The following EEFSEC variants were observed in gnomAD, a reference collection of about 807,000 sequenced individuals.
The protein encoded by EEFSEC is selenocysteine-specific elongation factor.
A neutral mutation model predicts 42.1 loss-of-function variants in EEFSEC; 43 were observed. That is an observed-to-expected ratio of 1.02 (90% confidence interval 0.80 to 1.32). The LOEUF is 1.32. Ranked by LOEUF, EEFSEC falls within the 40% of genes most tolerant of loss-of-function variation. EEFSEC has a pLI of 0.00. For synonymous variants in EEFSEC, 354 were observed against 339.1 expected (o/e 1.04, Z -0.48); for missense variants, 745 against 803.6 (o/e 0.93, Z 0.88).
At chr3:128,410,931 G>A (rs1039449720), downstream of EEFSEC, among the ~76,000 whole-genome samples, 1 of 152,202 alleles carries the variant, frequency 6.6e-6, no homozygotes, top group Admixed American at 6.5e-5. Context: ...AGGCACAGAG[G>A]CACAGAAGGG....
intron 1 of EEFSEC, among the ~76,000 whole-genome samples, chr3:128,225,696 C>G (rs1053238861): frequency 1.3e-5 from 2 of 152,244 alleles, no homozygotes; most frequent in African/African-American, 2.4e-5. Flanking sequence ...GCACTGTCCC[C>G]TGGCCCCAAG....
At chr3:128,388,737 C>G (rs2107621494) in intron 6 of EEFSEC, among the ~76,000 whole-genome samples, 1 of 152,370 alleles carries the variant, frequency 6.6e-6, no homozygotes, top group African/African-American at 2.4e-5. Flanking sequence ...GAGCGTCTAG[C>G]AGAGAGGCCA....
At position 128,153,590 on chromosome 3, in the gene EEFSEC, G is replaced by A. The variant is rs976948332; in HGVS notation, c.83G>A (p.Ser28Asn). ...AAGACGGCGCTGGCGCGGGCGCTAAGCACCACAGCCTCCACCGCCGCCTTT... is the reference window on the plus strand; with the variant it reads ...AAGACGGCGCTGGCGCGGGCGCTAAACACCACAGCCTCCACCGCCGCCTTT... ...SGKTALARAL[S>N]TTASTAAFDK... Residue 28 changes from serine to asparagine, a missense_variant, in exon 1 of 7, where the codon AGC becomes AAC. Transcript: ENST00000254730. The A allele has an allele frequency of 1.9e-6, 3 of 1,580,462 alleles. No individual in the cohort carries two copies. The highest frequency in any genetic ancestry group is 2.6e-6 in the Non-Finnish European group (3 of 1,170,376).
At chr3:128,312,466 C>T (rs1034386535) in intron 4 of EEFSEC, among the ~76,000 whole-genome samples, 1 of 152,236 alleles carries the variant, frequency 6.6e-6, no homozygotes. Flanking sequence ...CACCAGACTG[C>T]GCTGGAATAG....
intron 1 of EEFSEC, among the ~76,000 whole-genome samples, chr3:128,210,818 G>A (rs2065748234): frequency 1.3e-5 from 2 of 152,244 alleles, no homozygotes; most frequent in Non-Finnish European, 2.9e-5. Context: ...TTCTGCAGAA[G>A]AGCTCCTTCT....
Position 128,384,679 on chromosome 3 carries a change from C to T in EEFSEC, c.1601-23390C>T, listed in dbSNP as rs554461319. Among the ~76,000 whole-genome samples the T allele has an allele frequency of 1.1e-4, 16 of 152,296 alleles. No homozygotes were observed. The South Asian group carries it at 3.1e-3, about 30-fold the overall frequency. On this transcript the variant is annotated intron_variant, in intron 6 of 6. Coordinates refer to ENST00000254730, the MANE Select transcript of EEFSEC (RefSeq NM_021937.5). Reference sequence around the variant, plus strand: ...TGCAACTGAGGCTGGAGAGGGAACACGTCCAAGGTCAAGAACTCGTTGAGG... The same window carrying T: ...TGCAACTGAGGCTGGAGAGGGAACATGTCCAAGGTCAAGAACTCGTTGAGG...
chr3:128,336,726 C>T (rs755723379), intron 4 of EEFSEC, among the ~76,000 whole-genome samples: 31 of 152,228 alleles, frequency 2.0e-4, no homozygotes, highest in Non-Finnish European at 3.2e-4. Flanking sequence ...TTAGGTCTCC[C>T]AGTTGTTCGC....
the EEFSEC span, among the ~76,000 whole-genome samples, chr3:128,425,659 G>A: frequency 2.0e-5 from 3 of 152,232 alleles, no homozygotes; most frequent in Non-Finnish European, 4.4e-5. Context: ...CAGGCCAGGC[G>A]CGGTGCTCCC....
chr3:128,358,383 G>T lies in EEFSEC; in HGVS notation c.1600+10G>T, dbSNP rs765754405. ...AAGATCCACATCCCAGGTAAGTGCAGCCACTTCCTCCCGGTTTAGGGACAC... is the reference window on the plus strand; with the variant it reads ...AAGATCCACATCCCAGGTAAGTGCATCCACTTCCTCCCGGTTTAGGGACAC... On this transcript the variant is annotated intron_variant, in intron 6 of 6. Coordinates refer to ENST00000254730, the MANE Select transcript of EEFSEC (RefSeq NM_021937.5). The T allele has an allele frequency of 5.6e-6, 9 of 1,613,866 alleles. No individual in the cohort carries two copies. The African/African-American group carries it at 1.1e-4, about 19-fold the overall frequency.
At chr3:128,327,279 G>A (rs981100168) in intron 4 of EEFSEC, among the ~76,000 whole-genome samples, 11 of 147,066 alleles carry the variant, frequency 7.5e-5, no homozygotes, top group Non-Finnish European at 1.5e-4. Context: ...GCACCTCCCT[G>A]CACTTTTCCC....
chr3:128,400,949 G>A (rs978374168), intron 6 of EEFSEC, among the ~76,000 whole-genome samples: 2 of 152,344 alleles, frequency 1.3e-5, no homozygotes, highest in African/African-American at 4.8e-5. Flanking sequence ...GCCATGAGGA[G>A]CAGTGTTGCC....
At chr3:128,212,114 G>T (rs1332076060) in intron 1 of EEFSEC, among the ~76,000 whole-genome samples, 1 of 152,010 alleles carries the variant, frequency 6.6e-6, no homozygotes, top group African/African-American at 2.4e-5. Flanking sequence ...GCCTGCCTCG[G>T]CCTCCCAAAG....
intron 6 of EEFSEC, among the ~76,000 whole-genome samples, chr3:128,393,102 C>G (rs1412531553): frequency 1.3e-5 from 2 of 152,214 alleles, no homozygotes; most frequent in African/African-American, 4.8e-5. Context: ...CTTCCACATA[C>G]TTTGTTTAAA....
intron 1 of EEFSEC, 49 bp downstream of exon 1, chr3:128,153,872 G>A (rs1045830463): frequency 3.4e-6 from 5 of 1,449,924 alleles, no homozygotes; most frequent in Non-Finnish European, 4.5e-6. Context: ...CGGGCGGAGC[G>A]ACCGGGCCCC....
chr3:128,357,711 G>T (rs972816284), intron 5 of EEFSEC, among the ~76,000 whole-genome samples: 8 of 152,108 alleles, frequency 5.3e-5, no homozygotes, highest in African/African-American at 1.9e-4. Context: ...TTGGATGCAG[G>T]CTCAGGAGCG....
chr3:128,289,471 C>T (rs2066620558), intron 4 of EEFSEC, among the ~76,000 whole-genome samples: 1 of 152,234 alleles, frequency 6.6e-6, no homozygotes, highest in Non-Finnish European at 1.5e-5. Context: ...CTTCTTTACA[C>T]TGTGTGAGTA....
intron 1 of EEFSEC, among the ~76,000 whole-genome samples, chr3:128,212,983 G>A (rs151172968): frequency 1.3e-5 from 2 of 152,228 alleles, no homozygotes; most frequent in Non-Finnish European, 2.9e-5. Context: ...CATCTGCAGC[G>A]CCAGCTTCCA....
At chr3:128,244,239 C>A (rs1324725011) in intron 1 of EEFSEC, among the ~76,000 whole-genome samples, 1 of 152,210 alleles carries the variant, frequency 6.6e-6, no homozygotes, top group Non-Finnish European at 1.5e-5. Context: ...GTGGCCAGTT[C>A]CCAGATTTAC....
intron 4 of EEFSEC, among the ~76,000 whole-genome samples, chr3:128,288,135 G>T (rs1235141832): frequency 6.6e-6 from 1 of 152,046 alleles, no homozygotes; most frequent in African/African-American, 2.4e-5. Context: ...CTTGACTTCT[G>T]TATTTCTTCT....
Sources: gnomAD v4.1 joint callset for allele counts (sites outside exome capture counted in the v4.1 genomes callset) on GRCh38, gnomAD v4.1.1 for gene constraint, MANE v1.5 for transcripts, NCBI Gene and HGNC (gene_info 2026-07-23, HGNC 2026-07-21) for gene names.